PTPRR: variants seen among roughly 807,000 people sequenced by gnomAD.
PTPRR encodes the protein protein tyrosine phosphatase receptor type R, also known as receptor-type tyrosine-protein phosphatase R.
A neutral mutation model predicts 77.2 loss-of-function variants in PTPRR; 38 were observed. The observed-to-expected ratio is 0.49, with a 90% CI of 0.38 to 0.65. PTPRR has a LOEUF of 0.65. Among genes scored for constraint, PTPRR ranks in the 30% least tolerant of loss-of-function variants. PTPRR has a pLI of 0.00. For synonymous variants in PTPRR, 299 were observed against 283.1 expected (o/e 1.06, Z -0.57); for missense variants, 744 against 799.2 (o/e 0.93, Z 0.83).
chr12:70,707,386 G>A (rs1888656691), intron 6 of PTPRR, among the ~76,000 whole-genome samples: 1 of 151,930 alleles, frequency 6.6e-6, no homozygotes, highest in Admixed American at 6.6e-5. Flanking sequence ...AAAAAAGGAA[G>A]TAGGCACAGA....
intron 5 of PTPRR, 44 bp from the exon 6 acceptor site, chr12:70,746,130 C>A (rs373776070): frequency 1.7e-5 from 26 of 1,558,136 alleles, no homozygotes; most frequent in Non-Finnish European, 2.3e-5. Context: ...TTTTCTCACA[C>A]TAAACAAGAG....
rs78535509 is a variant in PTPRR, at chr12:70,850,400, A to G, written c.357+42279T>C. 3.0e-3 allele frequency among the ~76,000 whole-genome samples: 451 copies of G among 152,194 alleles called. 3 individuals carry two copies. The highest frequency in any genetic ancestry group is 0.01 in the African/African-American group (434 of 41,526). ...AAGGTAATTTTGTATCTATTTCCAG[A>G]AAGATCAATAGGGCAGCAATTTAAA... On this transcript the variant is annotated intron_variant, in intron 2 of 13. Coordinates refer to ENST00000283228, the MANE Select transcript of PTPRR (RefSeq NM_002849.4).
intron 2 of PTPRR, among the ~76,000 whole-genome samples, chr12:70,784,317 T>C (rs1274447449): frequency 2.0e-5 from 3 of 152,184 alleles, no homozygotes; most frequent in African/African-American, 7.2e-5. Flanking sequence ...TTATCCCAGT[T>C]CCGCAGGCTC....
chr12:70,868,629 C>T (rs1405631075), intron 2 of PTPRR, among the ~76,000 whole-genome samples: 28 of 151,406 alleles, frequency 1.8e-4, no homozygotes, highest in African/African-American at 5.1e-4. Flanking sequence ...GTCAGTGTGG[C>T]GATTCCTCAG....
At chr12:70,805,447 G>C (rs1186325932) in intron 2 of PTPRR, among the ~76,000 whole-genome samples, 18 of 151,968 alleles carry the variant, frequency 1.2e-4, no homozygotes, top group Admixed American at 1.2e-3. Flanking sequence ...CTGGGCTCCT[G>C]GGCTTAAGCG....
intron 13 of PTPRR, among the ~76,000 whole-genome samples, chr12:70,656,059 AT>A (rs1318949166): frequency 1.3e-5 from 2 of 151,926 alleles, no homozygotes; most frequent in African/African-American, 4.8e-5. Flanking sequence ...AAAAAAAAAA[AT>A]TACAAAAATT....
rs536591294 is a variant in PTPRR at position 70,892,806 on chromosome 12, C to T, written c.230G>A (p.Arg77His). The T allele has an allele frequency of 1.9e-5, 30 of 1,613,162 alleles. No homozygotes were observed. Among genetic ancestry groups the T allele is most frequent in the South Asian group, 7.7e-5 (7 of 91,076 alleles). ...AAATGCTGAATTGACAATCTGGTGG[C>T]GTTTGCTTACTTGAGCTTCGGAAGA... ...HSSSEAQVSK[R>H]HQIVNSAFPR... The change falls in exon 2 of 14, where the codon CGC (arginine) becomes CAC (histidine). Residue 77 changes from arginine to histidine, a missense_variant. This residue lies in a region of PTPRR where 570 missense variants were observed against 573.2 expected (regional missense o/e 0.99). Coordinates refer to ENST00000283228, the MANE Select transcript of PTPRR (RefSeq NM_002849.4).
rs559212373 is a variant in PTPRR at position 70,824,117 on chromosome 12, G to A, written c.358-59339C>T. 2.1e-3 allele frequency among the ~76,000 whole-genome samples: 319 copies of A among 152,270 alleles called. 2 individuals carry two copies. The highest frequency in any genetic ancestry group is 3.4e-3 in the Non-Finnish European group (230 of 68,016). On this transcript the variant is annotated intron_variant, in intron 2 of 13. Transcript: ENST00000283228. ...CGTTAGACAGACTTATTGGGAAACC[G>A]CCCCAGGTTAGGCGCTCTTCTTCTG...
Position 70,783,868 on chromosome 12 carries a change from G to C in PTPRR, c.358-19090C>G, listed in dbSNP as rs60408695. Among the ~76,000 whole-genome samples, 393 of 124,036 alleles carry C rather than the reference G, an allele frequency of 3.2e-3. 5 individuals carry two copies. Among genetic ancestry groups the C allele is most frequent in the East Asian group, 0.025 (112 of 4,400 alleles). 81.4% of individuals were successfully genotyped at this position (124,036 alleles called of 152,430 possible). ...CTAAGGCTGTGTGGGGGGGACGGGGGGGGGGGGCGGGGGGCGGGGGTTGGC... is the reference window on the plus strand; with the variant it reads ...CTAAGGCTGTGTGGGGGGGACGGGGCGGGGGGGCGGGGGGCGGGGGTTGGC... On this transcript the variant is annotated intron_variant, in intron 2 of 13. Transcript: ENST00000283228.
At chr12:70,663,015 C>G (rs1277851067) in intron 10 of PTPRR, among the ~76,000 whole-genome samples, 1 of 152,028 alleles carries the variant, frequency 6.6e-6, no homozygotes, top group Non-Finnish European at 1.5e-5. Context: ...TGTTTTCCCA[C>G]AATAATTGAG....
chr12:70,872,761 G>A (rs911175599), intron 2 of PTPRR, among the ~76,000 whole-genome samples: 1 of 147,664 alleles, frequency 6.8e-6, no homozygotes, highest in South Asian at 2.1e-4. Flanking sequence ...CAGGGCAAGG[G>A]TAAATGTGTG....
intron 2 of PTPRR, among the ~76,000 whole-genome samples, chr12:70,869,670 C>CAG (rs1231326696): frequency 1.3e-5 from 2 of 151,976 alleles, no homozygotes; most frequent in African/African-American, 4.8e-5. Flanking sequence ...GGGTCAGAAT[C>CAG]AGAGAGAGAA....
At chr12:70,730,477 C>T (rs1889615083) in intron 6 of PTPRR, among the ~76,000 whole-genome samples, 1 of 151,782 alleles carries the variant, frequency 6.6e-6, no homozygotes, top group Non-Finnish European at 1.5e-5. Flanking sequence ...TGCCACTGTG[C>T]TCCAGCCTGG....
intron 2 of PTPRR, among the ~76,000 whole-genome samples, chr12:70,786,147 T>C (rs1191046804): frequency 2.0e-5 from 3 of 152,104 alleles, no homozygotes; most frequent in Non-Finnish European, 4.4e-5. Flanking sequence ...CAAATTCAGG[T>C]TTCTACATCC....
intron 13 of PTPRR, 43 bp from the exon 14 acceptor site, chr12:70,639,320 T>C: frequency 6.3e-7 from 1 of 1,595,924 alleles, no homozygotes; most frequent in Non-Finnish European, 8.5e-7. Flanking sequence ...TGCTAAAATC[T>C]TGCAATTTCA....
At chr12:70,778,784 A>G (rs1285979578) in intron 2 of PTPRR, among the ~76,000 whole-genome samples, 1 of 152,198 alleles carries the variant, frequency 6.6e-6, no homozygotes, top group East Asian at 1.9e-4. Flanking sequence ...TCTTGATTGC[A>G]TCAGACAGGA....
chr12:70,720,631 T>C (rs1370087783), intron 6 of PTPRR, among the ~76,000 whole-genome samples: 2 of 151,456 alleles, frequency 1.3e-5, no homozygotes, highest in Admixed American at 1.3e-4. Context: ...CCTGCCTCAG[T>C]CTCCAGAGTA....
At chr12:70,686,126 A>T (rs1227558129) in intron 8 of PTPRR, among the ~76,000 whole-genome samples, 1 of 152,164 alleles carries the variant, frequency 6.6e-6, no homozygotes, top group Non-Finnish European at 1.5e-5. Context: ...GTGTGGTGTA[A>T]AAACAGGGGT....
chr12:70,843,709 A>G (rs1190533239), intron 2 of PTPRR, among the ~76,000 whole-genome samples: 1 of 152,068 alleles, frequency 6.6e-6, no homozygotes, highest in Non-Finnish European at 1.5e-5. Flanking sequence ...GAACTGTTAT[A>G]TAGAATGACT....
Sources: gnomAD v4.1 joint callset for allele counts (sites outside exome capture counted in the v4.1 genomes callset) on GRCh38, gnomAD v4.1.1 for gene constraint, gnomAD v4.1.1 regional missense constraint, MANE v1.5 for transcripts, NCBI Gene and HGNC (gene_info 2026-07-23, HGNC 2026-07-21) for gene names.